Variants in NEDD4 observed in about 807,000 individuals in gnomAD.
NEDD4 encodes the protein E3 ubiquitin-protein ligase NEDD4.
A neutral mutation model predicts 144.9 loss-of-function variants in NEDD4; 99 were observed. The ratio of observed to expected loss-of-function variants is 0.68; its 90% CI spans 0.58 to 0.81. The LOEUF is 0.81. Ranked by LOEUF, NEDD4 falls within the 30% of genes least tolerant of loss-of-function variation. The pLI is 0.00. For synonymous variants in NEDD4, 318 were observed against 350.6 expected (o/e 0.91, Z 1.04); for missense variants, 985 against 1,065.9 (o/e 0.92, Z 1.06).
At chr15:55,915,756 T>C in intron 5 of NEDD4, 1 of 1,613,782 alleles carries the variant, frequency 6.2e-7, no homozygotes, top group Non-Finnish European at 8.5e-7. Flanking sequence ...TCTGGGAGTA[T>C]TATTCGAAAG....
intron 11 of NEDD4, among the ~76,000 whole-genome samples, chr15:55,858,610 T>G (rs1334783563): frequency 1.3e-5 from 2 of 152,110 alleles, no homozygotes; most frequent in African/African-American, 4.8e-5. Context: ...CCTGGCCTAA[T>G]GTAGTTTAGG....
intron 1 of NEDD4, among the ~76,000 whole-genome samples, chr15:55,989,457 G>T (rs770098397): frequency 5.9e-4 from 90 of 152,246 alleles, no homozygotes; most frequent in Admixed American, 2.1e-3. Context: ...AGTACATAAA[G>T]GTTTGGGAAG....
chr15:55,851,308 G>C (rs1343815420), intron 13 of NEDD4, among the ~76,000 whole-genome samples: 7 of 151,708 alleles, frequency 4.6e-5, no homozygotes, highest in Admixed American at 3.9e-4. Context: ...TAACAACATG[G>C]ACAGAGCTTT....
chr15:55,856,003 C>T lies in NEDD4; in HGVS notation c.1026+128G>A, dbSNP rs139079378. 617 of 731,112 alleles carry T rather than the reference C, an allele frequency of 8.4e-4. 2 individuals carry two copies. In the African/African-American group the frequency reaches 9.7e-3, roughly 12 times the overall value. The allele number at this position is 731,112 out of a possible 1,614,324, so 45.3% of individuals were successfully genotyped here. A position where few individuals can be genotyped will look rare whatever the true frequency, so the allele number is the denominator to read the frequency against. On this transcript the variant is annotated intron_variant, in intron 12 of 28. Coordinates refer to ENST00000435532, the MANE Select transcript of NEDD4 (RefSeq NM_006154.4). The stretch of plus-strand genomic sequence containing the variant: ...TAAGCCCCTTCCCTGAACATCACCA[C>T]CTGGAGCCTACATTCTGTGCTGTAT...
chr15:55,927,036 G>A (rs566008363), intron 4 of NEDD4, among the ~76,000 whole-genome samples: 29 of 136,550 alleles, frequency 2.1e-4, no homozygotes, highest in African/African-American at 7.4e-4. Flanking sequence ...AGATCGTGCC[G>A]CCGCACTGTC....
At chr15:55,910,626 C>CA (rs34080635) in intron 5 of NEDD4, among the ~76,000 whole-genome samples, 10,094 of 152,196 alleles carry the variant, frequency 0.066, 437 homozygotes, top group Non-Finnish European at 0.099. Flanking sequence ...TCCTGACTCC[C>CA]AATCTACATT....
chr15:55,896,453 G>A (rs2142139309), intron 5 of NEDD4, among the ~76,000 whole-genome samples: 1 of 152,132 alleles, frequency 6.6e-6, no homozygotes, highest in Non-Finnish European at 1.5e-5. Context: ...CAAAATGCTG[G>A]GATTACAGGG....
At chr15:55,887,913 A>G (rs2035444710) in intron 5 of NEDD4, among the ~76,000 whole-genome samples, 2 of 152,232 alleles carry the variant, frequency 1.3e-5, no homozygotes, top group South Asian at 4.1e-4. Context: ...TTGATGCTGA[A>G]AAAGTATTTG....
intron 5 of NEDD4, among the ~76,000 whole-genome samples, chr15:55,886,708 A>C (rs1213435236): frequency 6.6e-6 from 1 of 151,664 alleles, no homozygotes; most frequent in Non-Finnish European, 1.5e-5. Flanking sequence ...CAGTGTGCCA[A>C]GGTCACACCA....
rs1426244812 is a variant in NEDD4 at position 55,852,529 on chromosome 15, T to C, written c.1041A>G (p.Ser347=). ...QPTLPVLLPT[S]SGLPPGWEEK... ...CTTCCCAACCTGGTGGTAATCCAGA[T>C]GAAGTAGGCAAAAGCTAAAGTGAAG... Residue 347 remains serine, a synonymous_variant, in exon 13 of 29, where the codon TCA becomes TCG. Coordinates refer to ENST00000435532, the MANE Select transcript of NEDD4 (RefSeq NM_006154.4). The C allele has an allele frequency of 6.2e-7, 1 of 1,613,172 alleles. No homozygotes were observed. The highest frequency in any genetic ancestry group is 8.5e-7 in the Non-Finnish European group (1 of 1,179,562).
At chr15:55,986,859 T>C (rs1202098025) in intron 1 of NEDD4, among the ~76,000 whole-genome samples, 1 of 151,912 alleles carries the variant, frequency 6.6e-6, no homozygotes, top group African/African-American at 2.4e-5. Flanking sequence ...CCTCCCAAAG[T>C]GCTGGGATTA....
In NEDD4 at chr15:55,829,996, A is replaced by C; in HGVS notation, c.2604T>G (p.Phe868Leu). ...PEKLPRAHTC[F>L]NRLDLPPYES... The stretch of plus-strand genomic sequence containing the variant: ...CATAAGGTGGCAAGTCCAGGCGATT[A>C]AAACTGAAAGAACAGAGAGGAAGTG... Residue 868 changes from phenylalanine (F) to leucine (L), a missense_variant, in exon 29 of 29, where the codon TTT becomes TTG. Phe to Leu is a conservative substitution (Grantham distance 22). Transcript: ENST00000435532. The C allele has an allele frequency of 6.2e-7, 1 of 1,610,084 alleles. No homozygotes were observed. Among genetic ancestry groups the C allele is most frequent in the Non-Finnish European group, 8.5e-7 (1 of 1,177,768 alleles).
chr15:55,983,787 T>C (rs2140449530), intron 1 of NEDD4, among the ~76,000 whole-genome samples: 1 of 152,106 alleles, frequency 6.6e-6, no homozygotes, highest in East Asian at 1.9e-4. Context: ...ATTTTTGTAT[T>C]TTTGGTAGAG....
chr15:55,928,736 G>C (rs2036723297), intron 4 of NEDD4, among the ~76,000 whole-genome samples: 1 of 152,172 alleles, frequency 6.6e-6, no homozygotes, highest in African/African-American at 2.4e-5. Flanking sequence ...TATTTTCAAA[G>C]TAGTTGATCA....
intron 5 of NEDD4, among the ~76,000 whole-genome samples, chr15:55,892,549 T>A (rs2035605241): frequency 6.6e-6 from 1 of 152,028 alleles, no homozygotes; most frequent in Non-Finnish European, 1.5e-5. Context: ...GATTTAGCTA[T>A]CAGCACTTTT....
intron 5 of NEDD4, among the ~76,000 whole-genome samples, chr15:55,891,883 A>G (rs2035580291): frequency 1.3e-5 from 2 of 152,182 alleles, no homozygotes; most frequent in South Asian, 4.1e-4. Context: ...AGAGAATCCA[A>G]AGTAATAAAA....
At chr15:55,915,531 T>C (rs757737588) in intron 5 of NEDD4, 2 of 1,614,016 alleles carry the variant, frequency 1.2e-6, no homozygotes, top group East Asian at 2.2e-5. Context: ...TCCATTGATA[T>C]TTATTTGACA....
At chr15:55,844,700 T>C (rs1468589012) in intron 18 of NEDD4, among the ~76,000 whole-genome samples, 3 of 152,110 alleles carry the variant, frequency 2.0e-5, no homozygotes, top group African/African-American at 4.8e-5. Context: ...AAACAGTATC[T>C]GGCATATGGT....
rs2038025679 is a variant in NEDD4, at chr15:55,993,576, C to G, written c.-21G>C. 4 of 1,590,460 alleles carry G rather than the reference C, an allele frequency of 2.5e-6. No homozygotes were observed. Among genetic ancestry groups the G allele is most frequent in the South Asian group, 1.1e-5 (1 of 88,626 alleles). On this transcript the variant is annotated 5_prime_UTR_variant, in exon 1 of 29. Transcript: ENST00000435532. ...GCCATTTCCGAACGCTTCCAGCAAACCGGACGCGCTCGCCCCCGCCCAGGG... is the reference window on the plus strand; with the variant it reads ...GCCATTTCCGAACGCTTCCAGCAAAGCGGACGCGCTCGCCCCCGCCCAGGG...
Sources: allele counts gnomAD v4.1 joint callset (sites outside exome capture counted in the v4.1 genomes callset), GRCh38; gene constraint gnomAD v4.1.1; transcripts MANE v1.5; gene names NCBI Gene and HGNC (gene_info 2026-07-23, HGNC 2026-07-21).